The following KDM4C variants were observed in gnomAD, a reference collection of about 807,000 sequenced individuals.
KDM4C encodes the protein lysine demethylase 4C.
In KDM4C, 81 loss-of-function variants were observed where a neutral mutation model predicts 129.3. The ratio of observed to expected loss-of-function variants is 0.63; its 90% CI spans 0.52 to 0.75. KDM4C has a LOEUF of 0.75. KDM4C is among the 30% of genes least tolerant of loss of function. The pLI is 0.00. For synonymous variants in KDM4C, 573 were observed against 456.1 expected, an observed-to-expected ratio of 1.26 and a Z score of -3.26; for missense variants, 1,457 against 1,304.0, an observed-to-expected ratio of 1.12 and a Z score of -1.81.
chr9:6,934,407 G>T (rs1824344084), intron 8 of KDM4C, among the ~76,000 whole-genome samples: 1 of 151,456 alleles, frequency 6.6e-6, no homozygotes, highest in Non-Finnish European at 1.5e-5. Flanking sequence ...GTGAACCCGG[G>T]AGGCGGAGCT....
intron 4 of KDM4C, among the ~76,000 whole-genome samples, chr9:6,847,470 C>G (rs1838045463): frequency 1.3e-5 from 2 of 152,114 alleles, no homozygotes; most frequent in East Asian, 1.9e-4. Flanking sequence ...ACGATCTCGG[C>G]TCACTGCAAA....
At chr9:7,096,152 T>C (rs910942564) in intron 17 of KDM4C, among the ~76,000 whole-genome samples, 3 of 152,178 alleles carry the variant, frequency 2.0e-5, no homozygotes, top group Admixed American at 2.0e-4. Context: ...AAACAGGCTA[T>C]GAGAGAAATA....
Position 7,165,145 on chromosome 9 carries a change from C to G in KDM4C, c.2782-93C>G, listed in dbSNP as rs148110547. The G allele has an allele frequency of 1.5e-5, 22 of 1,458,210 alleles. No homozygotes were observed. The East Asian group carries it at 4.8e-4, about 32-fold the overall frequency. The allele number at this position is 1,458,210 out of a possible 1,614,324, so 90.3% of individuals were successfully genotyped here. ...TCCATAAAACACAGAGGCAATAACT[C>G]CTTTTAATTGCCAGGAGTTCATCAT... On this transcript the variant is annotated intron_variant, in intron 19 of 21. Transcript: ENST00000381309.
chr9:6,961,808 A>T lies in KDM4C; in HGVS notation c.922-19117A>T, dbSNP rs548395692. ...CGTTCATTGTCATGATTATTTTTCC[A>T]TATTATTGCATCTTCTCAATAGAAA... On this transcript the variant is annotated intron_variant, in intron 8 of 21. Transcript: ENST00000381309. 2.0e-5 allele frequency among the ~76,000 whole-genome samples: 3 copies of T among 152,290 alleles called. No homozygotes were observed. In the East Asian group the frequency reaches 5.8e-4, roughly 29 times the overall value.
intron 17 of KDM4C, among the ~76,000 whole-genome samples, chr9:7,077,965 A>G (rs1434007996): frequency 6.6e-6 from 1 of 152,218 alleles, no homozygotes; most frequent in East Asian, 1.9e-4. Flanking sequence ...ACATGTGAGG[A>G]TCTCCAGCAC....
chr9:7,170,918 TAAAA>T (rs59497112), intron 21 of KDM4C: 52 of 117,072 alleles, frequency 4.4e-4, no homozygotes, highest in Non-Finnish European at 7.7e-4. Context: ...GATGAGCTAC[TAAAA>T]AAAAAAAAAA....
chr9:6,977,308 A>T (rs993998888), intron 8 of KDM4C, among the ~76,000 whole-genome samples: 1 of 152,158 alleles, frequency 6.6e-6, no homozygotes, highest in African/African-American at 2.4e-5. Context: ...ATTCTTTTTA[A>T]ATTTTAAATA....
At chr9:6,839,193 G>A (rs62533758) in intron 4 of KDM4C, among the ~76,000 whole-genome samples, 11,618 of 152,038 alleles carry the variant, frequency 0.076, 606 homozygotes, top group Non-Finnish European at 0.11. Context: ...GTCCTAAAAC[G>A]GGATGATACA....
At chr9:6,940,203 G>A (rs1379818146) in intron 8 of KDM4C, among the ~76,000 whole-genome samples, 1 of 152,208 alleles carries the variant, frequency 6.6e-6, no homozygotes, top group Non-Finnish European at 1.5e-5. Context: ...TGATCCTCCT[G>A]CCTCAGCCTC....
chr9:6,990,722 C>A (rs561706844), intron 12 of KDM4C, among the ~76,000 whole-genome samples, 198 bp downstream of exon 12: 1 of 151,984 alleles, frequency 6.6e-6, no homozygotes, highest in Non-Finnish European at 1.5e-5. Flanking sequence ...TATAAGCTAG[C>A]CTTATTACTG....
intron 3 of KDM4C, among the ~76,000 whole-genome samples, chr9:6,808,785 A>T (rs113853948): frequency 6.6e-6 from 1 of 151,690 alleles, no homozygotes; most frequent in African/African-American, 2.4e-5. Flanking sequence ...GCCTACACTC[A>T]AGGGGAGGAG....
intron 8 of KDM4C, among the ~76,000 whole-genome samples, chr9:6,974,476 G>GT (rs1205876891): frequency 6.6e-6 from 1 of 152,142 alleles, no homozygotes; most frequent in African/African-American, 2.4e-5. Context: ...TCTCCTGCCT[G>GT]TTTCCCGAGT....
At chr9:6,914,844 G>C (rs1820015804) in intron 8 of KDM4C, among the ~76,000 whole-genome samples, 1 of 152,216 alleles carries the variant, frequency 6.6e-6, no homozygotes, top group African/African-American at 2.4e-5. Context: ...CAAATCTGCT[G>C]GCACCTTGGT....
chr9:7,168,756 G>A (rs148637685), intron 20 of KDM4C, among the ~76,000 whole-genome samples: 347 of 152,254 alleles, frequency 2.3e-3, no homozygotes, highest in African/African-American at 7.8e-3. Context: ...TATTTTATCT[G>A]GGAGGATTAT....
intron 1 of KDM4C, chr9:6,735,124 G>A: frequency 3.1e-6 from 1 of 320,872 alleles, no homozygotes; most frequent in South Asian, 3.1e-5. Flanking sequence ...GGGACAATTA[G>A]GCAAAGAGGC....
intron 8 of KDM4C, among the ~76,000 whole-genome samples, chr9:6,946,135 T>C (rs1826921081): frequency 6.6e-6 from 1 of 152,126 alleles, no homozygotes; most frequent in South Asian, 2.1e-4. Context: ...TAGTGGATCA[T>C]ATGGATTGGA....
chr9:6,964,862 G>A (rs1173473380), intron 8 of KDM4C, among the ~76,000 whole-genome samples: 9 of 151,464 alleles, frequency 5.9e-5, no homozygotes, highest in Non-Finnish European at 1.0e-4. Context: ...GCTGAGGCAG[G>A]AGAATCACTT....
intron 19 of KDM4C, among the ~76,000 whole-genome samples, chr9:7,151,907 G>A (rs904854516): frequency 1.3e-5 from 2 of 152,192 alleles, no homozygotes; most frequent in East Asian, 1.9e-4. Context: ...TGAAAAAGAC[G>A]CAGTCAGAAG....
rs1158199897 is a variant in KDM4C, at chr9:6,944,652, G to GTTTTTTTT, written c.922-36258_922-36251dup. Among the ~76,000 whole-genome samples, 398 of 80,974 alleles carry GTTTTTTTT rather than the reference G, an allele frequency of 4.9e-3. 52 individuals are homozygous for GTTTTTTTT. Among genetic ancestry groups the GTTTTTTTT allele is most frequent in the African/African-American group, 0.016 (341 of 21,422 alleles). 53.1% of individuals were successfully genotyped at this position (80,974 alleles called of 152,430 possible). On this transcript the variant is annotated intron_variant, in intron 8 of 21. Transcript: ENST00000381309. The stretch of plus-strand genomic sequence containing the variant: ...CAACACACTTTTTGTCAAGGTAGAG[G>GTTTTTTTT]TTTTTTTTTTTTTTTTTTTTTTGCC...
Sources: gnomAD v4.1 joint callset for allele counts (sites outside exome capture counted in the v4.1 genomes callset) on GRCh38, gnomAD v4.1.1 for gene constraint, MANE v1.5 for transcripts, NCBI Gene and HGNC (gene_info 2026-07-23, HGNC 2026-07-21) for gene names.